The following BRD10 variants were observed in gnomAD, a reference collection of about 807,000 sequenced individuals.
The protein encoded by BRD10 is uncharacterized bromodomain-containing protein 10.
chr9:5,910,664 TCAGA>T, the BRD10 span: 5 of 152,262 alleles, frequency 3.3e-5, no homozygotes, highest in African/African-American at 7.2e-5. Flanking sequence ...ACAGAGTTCC[TCAGA>T]CAGTGTCCCA....
chr9:5,975,560 C>T, the BRD10 span, among the ~76,000 whole-genome samples: 1 of 151,364 alleles, frequency 6.6e-6, no homozygotes, highest in African/African-American at 2.4e-5. Flanking sequence ...TAAAGAAGAC[C>T]CAAACTACAC....
chr9:5,912,711 A>G, the BRD10 span, among the ~76,000 whole-genome samples: 1 of 152,286 alleles, frequency 6.6e-6, no homozygotes, highest in South Asian at 2.1e-4. Context: ...CCTCACCCAT[A>G]AGCATGGGCA....
chr9:5,934,079 A>T, the BRD10 span, among the ~76,000 whole-genome samples: 1 of 152,124 alleles, frequency 6.6e-6, no homozygotes, highest in Middle Eastern at 3.2e-3. Context: ...ATCGGCAGTC[A>T]TATGAAGAAA....
the BRD10 span, chr9:5,944,822 A>C: frequency 5.7e-6 from 5 of 881,758 alleles, 1 homozygote; most frequent in East Asian, 1.5e-4. Context: ...AAGCAGGAAT[A>C]AATTTTAATG....
the BRD10 span, chr9:5,919,538 A>G: frequency 4.5e-5 from 31 of 695,396 alleles, no homozygotes; most frequent in Non-Finnish European, 6.1e-5. Flanking sequence ...GAAAAGATAC[A>G]TTAAAACACA....
the BRD10 span, among the ~76,000 whole-genome samples, chr9:5,944,294 A>T: frequency 6.6e-6 from 1 of 152,110 alleles, no homozygotes; most frequent in Non-Finnish European, 1.5e-5. Context: ...GTGAATAAAT[A>T]TATGCCCTTA....
the BRD10 span, among the ~76,000 whole-genome samples, chr9:5,887,721 T>G: frequency 6.6e-6 from 1 of 152,232 alleles, no homozygotes; most frequent in Non-Finnish European, 1.5e-5. Flanking sequence ...TCCCAATTTT[T>G]GCACAAAATT....
the BRD10 span, among the ~76,000 whole-genome samples, chr9:5,991,491 G>A: frequency 6.6e-6 from 1 of 152,116 alleles, no homozygotes; most frequent in Non-Finnish European, 1.5e-5. Context: ...GGGAGGCCAA[G>A]GCAGGTGGAT....
At chr9:5,933,440 A>AC in the BRD10 span, among the ~76,000 whole-genome samples, 6 of 152,206 alleles carry the variant, frequency 3.9e-5, no homozygotes, top group African/African-American at 1.4e-4. Context: ...TTTGAAGCTT[A>AC]CCTTTCATGC....
At chr9:5,920,178 CAG>C in the BRD10 span, 1 of 1,613,802 alleles carries the variant, frequency 6.2e-7, no homozygotes, top group Non-Finnish European at 8.5e-7. Context: ...ATCTTCTGGG[CAG>C]AGTTATCTAT....
chr9:5,987,225 C>T, the BRD10 span, among the ~76,000 whole-genome samples: 1 of 152,082 alleles, frequency 6.6e-6, no homozygotes, highest in Non-Finnish European at 1.5e-5. Flanking sequence ...TACTTTTTGA[C>T]TTATCTTTGT....
At chr9:5,953,970 T>C in the BRD10 span, 18 of 1,158,376 alleles carry the variant, frequency 1.6e-5, no homozygotes, top group South Asian at 8.0e-5. Flanking sequence ...ATATGAACAC[T>C]GAAACAAAAA....
chr9:5,974,871 T>C, the BRD10 span, among the ~76,000 whole-genome samples: 4 of 152,130 alleles, frequency 2.6e-5, no homozygotes, highest in Admixed American at 2.6e-4. Context: ...ACCTTGGTAG[T>C]AGAGAATAAT....
chr9:5,903,309 G>A, the BRD10 span, among the ~76,000 whole-genome samples: 44 of 152,316 alleles, frequency 2.9e-4, no homozygotes, highest in South Asian at 1.9e-3. Context: ...GTTGGATGAA[G>A]TAGCCTACAG....
At chr9:5,909,752 T>G in the BRD10 span, 1 of 152,260 alleles carries the variant, frequency 6.6e-6, no homozygotes, top group Non-Finnish European at 1.5e-5. Flanking sequence ...TATGGCAATT[T>G]AGCTCTCTTG....
At chr9:5,926,921 G>A in the BRD10 span, among the ~76,000 whole-genome samples, 2 of 152,040 alleles carry the variant, frequency 1.3e-5, no homozygotes, top group East Asian at 3.9e-4. Context: ...CAGTACGTGT[G>A]GCACATAAAT....
chr9:5,920,475 A>T, the BRD10 span: 1 of 1,614,006 alleles, frequency 6.2e-7, no homozygotes, highest in Non-Finnish European at 8.5e-7. Context: ...GCAGAACTGT[A>T]ACTGGGGGTT....
the BRD10 span, among the ~76,000 whole-genome samples, chr9:6,001,680 C>T: frequency 6.6e-6 from 1 of 152,170 alleles, no homozygotes; most frequent in African/African-American, 2.4e-5. Flanking sequence ...CACATCTTCA[C>T]CTATCATTAT....
the BRD10 span, among the ~76,000 whole-genome samples, chr9:5,954,609 T>G: frequency 6.6e-6 from 1 of 152,192 alleles, no homozygotes; most frequent in Admixed American, 6.5e-5. Context: ...AGGCTGCCCT[T>G]GGCGGTATCA....
Sources: allele counts gnomAD v4.1 joint callset (sites outside exome capture counted in the v4.1 genomes callset), GRCh38; gene constraint gnomAD v4.1.1; transcripts MANE v1.5; gene names NCBI Gene and HGNC (gene_info 2026-07-23, HGNC 2026-07-21).